The following PTPRT variants were observed in gnomAD, a reference collection of about 807,000 sequenced individuals.
The protein encoded by PTPRT is protein tyrosine phosphatase receptor type T.
In PTPRT, 56 loss-of-function variants were observed where a neutral mutation model predicts 176.8. The observed-to-expected ratio is 0.32, with a 90% confidence interval of 0.26 to 0.40. The LOEUF is 0.40. Among genes scored for constraint, PTPRT ranks in the 10% least tolerant of loss-of-function variants. The pLI is 1.00. For missense variants in PTPRT, 1,540 were observed against 1,908.2 expected, an observed-to-expected ratio of 0.81 and a Z score of 3.60; for synonymous variants, 783 against 739.0, an observed-to-expected ratio of 1.06 and a Z score of -0.96.
At chr20:42,675,365 T>A (rs576964507) in intron 7 of PTPRT, among the ~76,000 whole-genome samples, 1 of 152,340 alleles carries the variant, frequency 6.6e-6, no homozygotes, top group South Asian at 2.1e-4. Context: ...GGGACCCAAG[T>A]CCAAACACAA....
rs775419119 is a variant in PTPRT, at chr20:42,106,817, C to T, written c.3359G>A (p.Arg1120Gln). The T allele has an allele frequency of 1.2e-5, 20 of 1,613,972 alleles. No individual in the cohort carries two copies. The highest frequency in any genetic ancestry group is 4.4e-5 in the South Asian group (4 of 91,064). The change falls in exon 24 of 31, where the codon CGG (arginine) becomes CAG (glutamine). Residue 1120 changes from arginine (R) to glutamine (Q), a missense_variant. Arg to Gln is a conservative substitution (Grantham distance 43). Transcript: ENST00000373187. ...CTGTACCAGGTTGACCCTTTGGGCC[C>T]GGAGCTCACGCACGCAGTTGAAGAT... ...VDIFNCVREL[R>Q]AQRVNLVQTE...
intron 1 of PTPRT, among the ~76,000 whole-genome samples, chr20:42,939,934 A>G (rs973610574): frequency 1.3e-5 from 2 of 152,228 alleles, no homozygotes; most frequent in African/African-American, 4.8e-5. Flanking sequence ...TTGGACAGAA[A>G]GATGATCTTC....
intron 12 of PTPRT, among the ~76,000 whole-genome samples, chr20:42,301,190 A>G (rs1430635447): frequency 6.6e-6 from 1 of 152,226 alleles, no homozygotes; most frequent in Admixed American, 6.5e-5. Flanking sequence ...ATCAAAGTTA[A>G]TGTCACCAGT....
intron 7 of PTPRT, among the ~76,000 whole-genome samples, chr20:42,593,383 T>C (rs1163010836): frequency 1.3e-5 from 2 of 152,208 alleles, no homozygotes; most frequent in Non-Finnish European, 2.9e-5. Context: ...AAACCTTCCC[T>C]GTCTGCCCTC....
chr20:42,604,326 C>T (rs1461779764), intron 7 of PTPRT, among the ~76,000 whole-genome samples: 2 of 152,148 alleles, frequency 1.3e-5, no homozygotes, highest in African/African-American at 4.8e-5. Flanking sequence ...ATGCCTGTCA[C>T]ATTTGATACT....
intron 1 of PTPRT, among the ~76,000 whole-genome samples, chr20:42,947,199 C>G (rs957442366): frequency 2.6e-5 from 4 of 152,174 alleles, no homozygotes; most frequent in African/African-American, 4.8e-5. Flanking sequence ...CACTCACAGG[C>G]AGCTGGCATG....
intron 7 of PTPRT, among the ~76,000 whole-genome samples, chr20:42,622,987 A>G (rs1174281703): frequency 1.3e-5 from 2 of 152,200 alleles, no homozygotes; most frequent in Non-Finnish European, 2.9e-5. Flanking sequence ...CCCAGGCTCC[A>G]GAAAGAAATG....
At chr20:43,042,703 A>ACCCGCCCT (rs1986660103) in intron 1 of PTPRT, among the ~76,000 whole-genome samples, 1 of 118,654 alleles carries the variant, frequency 8.4e-6, no homozygotes, top group Admixed American at 8.7e-5. Flanking sequence ...GCATTCTTCC[A>ACCCGCCCT]CCCACCCTCC....
intron 6 of PTPRT, among the ~76,000 whole-genome samples, 198 bp from the exon 7 acceptor site, chr20:42,678,357 G>A (rs1009292550): frequency 1.8e-4 from 27 of 152,290 alleles, no homozygotes; most frequent in African/African-American, 6.5e-4. Context: ...CTGGAGTGCA[G>A]TGGGGCCATT....
intron 5 of PTPRT, among the ~76,000 whole-genome samples, chr20:42,762,527 A>C (rs1004998623): frequency 2.6e-5 from 4 of 152,234 alleles, no homozygotes; most frequent in African/African-American, 9.6e-5. Context: ...TCACTGCACC[A>C]ACAGTGCCCA....
At chr20:42,301,976 G>A (rs1643896563) in intron 12 of PTPRT, among the ~76,000 whole-genome samples, 1 of 152,170 alleles carries the variant, frequency 6.6e-6, no homozygotes, top group African/African-American at 2.4e-5. Flanking sequence ...AACAACGTGT[G>A]TTTTAAAGGT....
chr20:43,034,621 T>C (rs1340375212), intron 1 of PTPRT, among the ~76,000 whole-genome samples: 3 of 150,800 alleles, frequency 2.0e-5, no homozygotes, highest in Non-Finnish European at 4.4e-5. Context: ...ATTAGGCTGG[T>C]GCAAAAGTAA....
intron 7 of PTPRT, among the ~76,000 whole-genome samples, chr20:42,638,764 A>C (rs2074668700): frequency 6.6e-6 from 1 of 152,134 alleles, no homozygotes; most frequent in Non-Finnish European, 1.5e-5. Flanking sequence ...TTTTGCTTAA[A>C]TTTTAGTCAC....
chr20:42,638,271 G>A (rs1464642757), intron 7 of PTPRT, among the ~76,000 whole-genome samples: 1 of 152,060 alleles, frequency 6.6e-6, no homozygotes, highest in Admixed American at 6.5e-5. Flanking sequence ...ATAACAGATT[G>A]GGATAGACTG....
At chr20:42,246,051 C>A (rs1483907306) in intron 14 of PTPRT, among the ~76,000 whole-genome samples, 4 of 152,160 alleles carry the variant, frequency 2.6e-5, no homozygotes, top group African/African-American at 7.2e-5. Flanking sequence ...TTGGAAGTTT[C>A]TTTGACTTGA....
chr20:42,880,364 G>C (rs1302589595), intron 2 of PTPRT, among the ~76,000 whole-genome samples: 2 of 152,162 alleles, frequency 1.3e-5, no homozygotes, highest in Admixed American at 6.5e-5. Context: ...GTAAAGAAGA[G>C]AAATAAGTGA....
chr20:42,977,022 C>G (rs115912288), intron 1 of PTPRT, among the ~76,000 whole-genome samples: 1 of 152,038 alleles, frequency 6.6e-6, no homozygotes, highest in Non-Finnish European at 1.5e-5. Context: ...ACAGCACTGC[C>G]GAAGCCAGCC....
chr20:42,345,089 T>C (rs1013625241), intron 11 of PTPRT, among the ~76,000 whole-genome samples: 1 of 152,148 alleles, frequency 6.6e-6, no homozygotes, highest in Admixed American at 6.5e-5. Context: ...CACAGGCTCA[T>C]TGGCACCTTT....
intron 1 of PTPRT, among the ~76,000 whole-genome samples, chr20:43,010,654 A>T (rs1365578109): frequency 6.6e-6 from 1 of 152,014 alleles, no homozygotes; most frequent in African/African-American, 2.4e-5. Context: ...TCATCATCGC[A>T]TTATCATTGA....
Sources: gnomAD v4.1 joint callset for allele counts (sites outside exome capture counted in the v4.1 genomes callset) on GRCh38, gnomAD v4.1.1 for gene constraint, MANE v1.5 for transcripts, NCBI Gene and HGNC (gene_info 2026-07-23, HGNC 2026-07-21) for gene names.